Variants in ARHGAP25 observed in about 807,000 individuals in gnomAD.
The protein encoded by ARHGAP25 is Rho GTPase activating protein 25, also known as rho GTPase-activating protein 25.
ARHGAP25 carries 34 observed loss-of-function variants against 71.0 expected under a neutral mutation model. The ratio of observed to expected loss-of-function variants is 0.48; its 90% CI spans 0.36 to 0.64. ARHGAP25 has a LOEUF of 0.64. Ranked by LOEUF, ARHGAP25 falls within the 30% of genes least tolerant of loss-of-function variation. ARHGAP25 has a pLI of 0.00. For missense variants in ARHGAP25, 706 were observed against 805.1 expected, an observed-to-expected ratio of 0.88 and a Z score of 1.49; for synonymous variants, 282 against 296.5, an observed-to-expected ratio of 0.95 and a Z score of 0.50.
chr2:68,756,402 T>TC, intron 1 of ARHGAP25, among the ~76,000 whole-genome samples: 1 of 152,198 alleles, frequency 6.6e-6, no homozygotes, highest in Non-Finnish European at 1.5e-5. Flanking sequence ...TGTAAGCACC[T>TC]CCCCCTCTGG....
chr2:68,768,540 C>T (rs1156806671), intron 1 of ARHGAP25, among the ~76,000 whole-genome samples: 1 of 152,196 alleles, frequency 6.6e-6, no homozygotes, highest in African/African-American at 2.4e-5. Context: ...AAACAGCACC[C>T]TTTTCTGTCT....
chr2:68,819,754 T>C (rs1681502852), intron 9 of ARHGAP25: 1 of 429,652 alleles, frequency 2.3e-6, no homozygotes, highest in African/African-American at 2.0e-5. Context: ...GTGATGTGTT[T>C]GTGTAATATT....
intron 3 of ARHGAP25, among the ~76,000 whole-genome samples, chr2:68,784,331 CAT>C (rs1678589246): frequency 6.6e-6 from 1 of 152,120 alleles, no homozygotes; most frequent in Non-Finnish European, 1.5e-5. Flanking sequence ...CATGTTATAA[CAT>C]AGAGAATTTT....
intron 1 of ARHGAP25, among the ~76,000 whole-genome samples, chr2:68,770,427 C>T (rs1573484127): frequency 1.3e-5 from 2 of 152,202 alleles, no homozygotes; most frequent in Middle Eastern, 3.2e-3. Flanking sequence ...GAACTATTCA[C>T]ACCTCACCCA....
chr2:68,822,773 A>G lies in ARHGAP25; in HGVS notation c.1634A>G (p.Asn545Ser), dbSNP rs751934453. ...TCTGAAACTGGGCCTGGAAAAAAGA[A>G]CTCTGGAGAAGAGGAAATTGATTCT... ...PNSETGPGKK[N>S]SGEEEIDSLQ... The change falls in exon 10 of 11, where the codon AAC becomes AGC. Residue 545 changes from asparagine to serine, a missense_variant. Coordinates refer to ENST00000409202, the MANE Select transcript of ARHGAP25 (RefSeq NM_001007231.3). 45 of 1,614,116 alleles carry G rather than the reference A, an allele frequency of 2.8e-5. 1 individual carries two copies. The highest frequency in any genetic ancestry group is 6.6e-5 in the South Asian group (6 of 91,094).
intron 2 of ARHGAP25, among the ~76,000 whole-genome samples, chr2:68,726,664 A>G (rs762933444): frequency 2.0e-5 from 3 of 152,220 alleles, no homozygotes; most frequent in Non-Finnish European, 2.9e-5. Context: ...TCAATAGACT[A>G]TCAAACTGTA....
intron 2 of ARHGAP25, among the ~76,000 whole-genome samples, chr2:68,724,304 TC>T (rs1260450266): frequency 6.6e-6 from 1 of 152,140 alleles, no homozygotes; most frequent in African/African-American, 2.4e-5. Context: ...GCTGACATTT[TC>T]CCCCAACTCT....
At chr2:68,775,027 C>G in intron 1 of ARHGAP25, 194 bp from the exon 2 acceptor site, 1 of 1,499,152 alleles carries the variant, frequency 6.7e-7, no homozygotes, top group Non-Finnish European at 8.8e-7. Context: ...TGGCCCTGAC[C>G]GGGAGCTGGC....
intron 1 of ARHGAP25, among the ~76,000 whole-genome samples, chr2:68,754,916 A>T (rs757959500): frequency 6.8e-6 from 1 of 146,432 alleles, no homozygotes; most frequent in Non-Finnish European, 1.5e-5. Flanking sequence ...TTGTTTTCTT[A>T]TTGTTGAGTT....
intron 4 of ARHGAP25, among the ~76,000 whole-genome samples, chr2:68,799,033 C>T (rs1679772627): frequency 6.6e-6 from 1 of 152,086 alleles, no homozygotes; most frequent in Non-Finnish European, 1.5e-5. Flanking sequence ...AGCAGGAGAC[C>T]AGATATGAAA....
chr2:68,788,182 C>T (rs910351404), intron 4 of ARHGAP25, among the ~76,000 whole-genome samples: 3 of 152,190 alleles, frequency 2.0e-5, no homozygotes, highest in African/African-American at 7.2e-5. Context: ...AGAGCCATCT[C>T]CAAATTAACT....
intron 2 of ARHGAP25, among the ~76,000 whole-genome samples, chr2:68,718,588 T>G (rs1054232129): frequency 1.3e-5 from 2 of 150,276 alleles, no homozygotes. Context: ...CCTAGACAGA[T>G]AGATAGGTAC....
intron 10 of ARHGAP25, among the ~76,000 whole-genome samples, chr2:68,823,540 C>T (rs1427855093): frequency 1.3e-5 from 2 of 151,650 alleles, no homozygotes; most frequent in Middle Eastern, 3.4e-3. Flanking sequence ...TGGCCAGTGC[C>T]GAGCCATGAG....
intron 1 of ARHGAP25, among the ~76,000 whole-genome samples, chr2:68,772,414 C>G (rs1028885995): frequency 1.3e-5 from 2 of 152,224 alleles, no homozygotes; most frequent in Non-Finnish European, 2.9e-5. Context: ...GGGGGTCCTC[C>G]CTATCATGTC....
intron 1 of ARHGAP25, among the ~76,000 whole-genome samples, chr2:68,740,142 G>A (rs1216828302): frequency 1.3e-5 from 2 of 152,146 alleles, no homozygotes; most frequent in East Asian, 3.9e-4. Context: ...TGAGACAGGT[G>A]CTGTGATGAT....
intron 1 of ARHGAP25, among the ~76,000 whole-genome samples, chr2:68,739,611 G>C (rs1182254927): frequency 6.6e-6 from 1 of 152,208 alleles, no homozygotes; most frequent in African/African-American, 2.4e-5. Flanking sequence ...GTCTGAACTT[G>C]TGTTAAGATA....
chr2:68,775,133 C>G, intron 1 of ARHGAP25, 88 bp from the exon 2 acceptor site: 1 of 1,609,392 alleles, frequency 6.2e-7, no homozygotes, highest in Non-Finnish European at 8.5e-7. Context: ...TTCTCAGCCC[C>G]CTCTGGGGTT....
chr2:68,712,723 A>T (rs555536220), intron 2 of ARHGAP25, among the ~76,000 whole-genome samples: 4 of 152,330 alleles, frequency 2.6e-5, no homozygotes, highest in African/African-American at 9.6e-5. Flanking sequence ...AGGTTTCTGC[A>T]TATAGCTAGC....
At chr2:68,766,580 C>G (rs1384828021) in intron 1 of ARHGAP25, among the ~76,000 whole-genome samples, 3 of 152,106 alleles carry the variant, frequency 2.0e-5, no homozygotes. Context: ...AGGGGTGGCC[C>G]TGGAGAGGCA....
Sources: allele counts gnomAD v4.1 joint callset (sites outside exome capture counted in the v4.1 genomes callset), GRCh38; gene constraint gnomAD v4.1.1; transcripts MANE v1.5; gene names NCBI Gene and HGNC (gene_info 2026-07-23, HGNC 2026-07-21).